UBTD1: variants seen among roughly 807,000 people sequenced by gnomAD.
The protein encoded by UBTD1 is ubiquitin domain containing 1.
A neutral mutation model predicts 21.7 loss-of-function variants in UBTD1; 19 were observed. The ratio of observed to expected loss-of-function variants is 0.87; its 90% CI spans 0.61 to 1.28. The LOEUF (loss-of-function observed/expected upper bound fraction) is 1.28, where lower values mean the gene tolerates loss of function less well. Among genes scored for constraint, UBTD1 ranks in the 50% most tolerant of loss-of-function variants. UBTD1 has a pLI of 0.00. For missense variants in UBTD1, 282 were observed against 315.1 expected, an observed-to-expected ratio of 0.89 and a Z score of 0.80; for synonymous variants, 116 against 135.1, an observed-to-expected ratio of 0.86 and a Z score of 0.98.
intron 1 of UBTD1, among the ~76,000 whole-genome samples, chr10:97,556,725 G>T (rs1383729595): frequency 6.6e-6 from 1 of 152,194 alleles, no homozygotes; most frequent in Non-Finnish European, 1.5e-5. Context: ...CAATTACACA[G>T]CTACCTGTCC....
Position 97,523,833 on chromosome 10 carries a change from G to A in UBTD1, c.70+24560G>A, listed in dbSNP as rs539188887. ...CAGGACTGTTGGTCTCTGTGGCCTCGTGAGACTGCTGAAGACCCGACGTCC... is the reference window on the plus strand; with the variant it reads ...CAGGACTGTTGGTCTCTGTGGCCTCATGAGACTGCTGAAGACCCGACGTCC... On this transcript the variant is annotated intron_variant, in intron 1 of 2. Coordinates refer to ENST00000370664, the MANE Select transcript of UBTD1 (RefSeq NM_024954.5). 4.6e-5 allele frequency among the ~76,000 whole-genome samples: 7 copies of A among 152,200 alleles called. No homozygotes were observed. The South Asian group carries it at 1.0e-3, about 23-fold the overall frequency.
chr10:97,539,854 C>T (rs1393905166), intron 1 of UBTD1, among the ~76,000 whole-genome samples: 1 of 152,216 alleles, frequency 6.6e-6, no homozygotes, highest in Admixed American at 6.5e-5. Flanking sequence ...CTCCTAGAGG[C>T]AGCTCTGTCA....
chr10:97,558,865 C>T (rs371340899), intron 1 of UBTD1, among the ~76,000 whole-genome samples: 125 of 152,054 alleles, frequency 8.2e-4, no homozygotes, highest in Non-Finnish European at 1.4e-3. Flanking sequence ...TCTCGTTTTA[C>T]GATGTCTTAT....
intron 1 of UBTD1, among the ~76,000 whole-genome samples, chr10:97,513,587 GTCT>G (rs2040431265): frequency 6.6e-6 from 1 of 152,164 alleles, no homozygotes; most frequent in Non-Finnish European, 1.5e-5. Context: ...AAGCAGTACA[GTCT>G]TCTTTATTGT....
At chr10:97,527,473 T>A (rs1245456510) in intron 1 of UBTD1, among the ~76,000 whole-genome samples, 2 of 146,972 alleles carry the variant, frequency 1.4e-5, no homozygotes, top group South Asian at 2.1e-4. Flanking sequence ...TTATTTATTT[T>A]TATTTTTATT....
At chr10:97,567,678 A>C (rs796625052) in intron 1 of UBTD1, among the ~76,000 whole-genome samples, 19 of 152,120 alleles carry the variant, frequency 1.2e-4, no homozygotes, top group African/African-American at 4.6e-4. Context: ...AAAACAAAAA[A>C]CAAAAACAAT....
chr10:97,518,877 C>A (rs1304694581), intron 1 of UBTD1, among the ~76,000 whole-genome samples: 1 of 152,188 alleles, frequency 6.6e-6, no homozygotes, highest in Non-Finnish European at 1.5e-5. Context: ...AGTACCAAAC[C>A]TTTTCCATGT....
intron 2 of UBTD1, among the ~76,000 whole-genome samples, chr10:97,569,185 T>G (rs1466759219): frequency 6.6e-6 from 1 of 152,262 alleles, no homozygotes; most frequent in Non-Finnish European, 1.5e-5. Context: ...AGCAAGGAGC[T>G]TCTCGAATTT....
chr10:97,528,010 C>G (rs1222296219), intron 1 of UBTD1, among the ~76,000 whole-genome samples: 1 of 151,418 alleles, frequency 6.6e-6, no homozygotes, highest in African/African-American at 2.4e-5. Flanking sequence ...CTCCTCACTT[C>G]CCAGTAGAGG....
At chr10:97,530,709 G>A (rs2040525235) in intron 1 of UBTD1, among the ~76,000 whole-genome samples, 1 of 152,040 alleles carries the variant, frequency 6.6e-6, no homozygotes, top group African/African-American at 2.4e-5. Context: ...CATCATAATG[G>A]TAGAAGCTTG....
At chr10:97,521,288 C>T (rs1186622547) in intron 1 of UBTD1, among the ~76,000 whole-genome samples, 7 of 152,204 alleles carry the variant, frequency 4.6e-5, no homozygotes, top group Non-Finnish European at 7.3e-5. Flanking sequence ...TGGTGGAGGG[C>T]ACGCTTGAGG....
At chr10:97,507,754 G>A (rs1747572437) in intron 1 of UBTD1, among the ~76,000 whole-genome samples, 1 of 112,740 alleles carries the variant, frequency 8.9e-6, no homozygotes, top group Non-Finnish European at 1.6e-5. Context: ...CAAGCCTAAC[G>A]ACAGAGCAAG....
intron 1 of UBTD1, among the ~76,000 whole-genome samples, chr10:97,536,661 G>T (rs888267458): frequency 6.6e-6 from 1 of 152,088 alleles, no homozygotes; most frequent in Admixed American, 6.5e-5. Flanking sequence ...TTATCCTGCC[G>T]GCCTGCACAC....
intron 1 of UBTD1, among the ~76,000 whole-genome samples, chr10:97,558,584 A>G (rs1365472974): frequency 1.3e-5 from 2 of 151,888 alleles, no homozygotes; most frequent in African/African-American, 4.8e-5. Flanking sequence ...TTTCTGACAC[A>G]TAGAGTGTAA....
intron 1 of UBTD1, among the ~76,000 whole-genome samples, chr10:97,535,023 G>A (rs892957656): frequency 3.9e-5 from 6 of 152,212 alleles, no homozygotes; most frequent in Non-Finnish European, 8.8e-5. Flanking sequence ...TTGCCTGGAA[G>A]AAGAGGGTTT....
At chr10:97,518,540 G>C (rs959604441) in intron 1 of UBTD1, among the ~76,000 whole-genome samples, 1 of 152,128 alleles carries the variant, frequency 6.6e-6, no homozygotes, top group Non-Finnish European at 1.5e-5. Context: ...TTCCCTCCAC[G>C]GAGCATCTGG....
chr10:97,536,844 C>G (rs756013153), intron 1 of UBTD1, among the ~76,000 whole-genome samples: 3 of 152,026 alleles, frequency 2.0e-5, no homozygotes, highest in Non-Finnish European at 4.4e-5. Context: ...TCCTGCTTGT[C>G]CAGTGGTGGA....
chr10:97,554,383 A>ATTG (rs1004769357), intron 1 of UBTD1, among the ~76,000 whole-genome samples: 4 of 150,880 alleles, frequency 2.7e-5, no homozygotes, highest in Non-Finnish European at 2.9e-5. Flanking sequence ...AATAGCTGGG[A>ATTG]TTACAGGTGC....
At chr10:97,515,537 T>G (rs1469007197) in intron 1 of UBTD1, among the ~76,000 whole-genome samples, 1 of 152,216 alleles carries the variant, frequency 6.6e-6, no homozygotes, top group Non-Finnish European at 1.5e-5. Flanking sequence ...TAGGGCTTCA[T>G]GGAGGACTCA....
Sources: allele counts gnomAD v4.1 joint callset (sites outside exome capture counted in the v4.1 genomes callset), GRCh38; gene constraint gnomAD v4.1.1; transcripts MANE v1.5; gene names NCBI Gene and HGNC (gene_info 2026-07-23, HGNC 2026-07-21).